The following DPH6 variants were observed in gnomAD, a reference collection of about 807,000 sequenced individuals.
DPH6 encodes the protein diphthamine biosynthesis 6.
DPH6 carries 33 observed loss-of-function variants against 38.2 expected under a neutral mutation model. The ratio of observed to expected loss-of-function variants is 0.86; its 90% confidence interval spans 0.65 to 1.15. The LOEUF (loss-of-function observed/expected upper bound fraction) is 1.15. Among genes scored for constraint, DPH6 ranks in the 50% most tolerant of loss-of-function variants. The pLI is 0.00. For missense variants in DPH6, 325 were observed against 320.0 expected, an observed-to-expected ratio of 1.02 and a Z score of -0.12; for synonymous variants, 108 against 103.0, an observed-to-expected ratio of 1.05 and a Z score of -0.30.
rs938927270 is a variant in DPH6, at chr15:35,339,035, G to A, written n.208-7958C>T. Among the ~76,000 whole-genome samples the A allele has an allele frequency of 6.6e-5, 10 of 152,060 alleles. 1 individual carries two copies. The highest frequency in any genetic ancestry group is 2.4e-4 in the African/African-American group (10 of 41,402). On this transcript the variant is annotated intron_variant and non_coding_transcript_variant, in intron 3 of 3. Transcript: ENST00000558973. ...CATCACACACTGGGGCCTGTTGTGG[G>A]GTGGGGGTAGCGGGTGGGGGATAGC...
intron 3 of DPH6, among the ~76,000 whole-genome samples, chr15:35,514,407 T>C (rs538293719): frequency 1.3e-5 from 2 of 152,238 alleles, no homozygotes; most frequent in South Asian, 4.1e-4. Context: ...TACGGAATGT[T>C]ACCTAATCTT....
In DPH6 at chr15:35,509,868, A is replaced by G. The variant is rs555765183; in HGVS notation, c.312+28406T>C. The stretch of plus-strand genomic sequence containing the variant: ...GGAACCAGCCACATTAGGTAATTTA[A>G]TCATTTTTCCTCAACAATGTTGTAA... On this transcript the variant is annotated intron_variant, in intron 3 of 8. Coordinates refer to ENST00000256538, the MANE Select transcript of DPH6 (RefSeq NM_080650.4). 2.6e-5 allele frequency among the ~76,000 whole-genome samples: 4 copies of G among 152,120 alleles called. No individual in the cohort carries two copies. In the South Asian group the frequency reaches 8.3e-4, roughly 32 times the overall value.
At chr15:35,253,027 G>A (rs1284384097) in intron 3 of DPH6, among the ~76,000 whole-genome samples, 1 of 152,202 alleles carries the variant, frequency 6.6e-6, no homozygotes, top group Non-Finnish European at 1.5e-5. Flanking sequence ...AACTATCTCT[G>A]ACGTCTCACT....
chr15:35,247,512 G>A (rs1057441491), intron 3 of DPH6, among the ~76,000 whole-genome samples: 4 of 152,186 alleles, frequency 2.6e-5, no homozygotes, highest in African/African-American at 9.7e-5. Flanking sequence ...CAAGTCACAA[G>A]ATAAATCTAG....
At chr15:35,337,530 C>G (rs558554239) in intron 3 of DPH6, among the ~76,000 whole-genome samples, 61 of 151,878 alleles carry the variant, frequency 4.0e-4, no homozygotes, top group African/African-American at 1.4e-3. Flanking sequence ...TGAAATAAAA[C>G]AGGATACAAA....
At chr15:35,271,327 AG>A (rs1365946399) in intron 3 of DPH6, among the ~76,000 whole-genome samples, 1 of 152,212 alleles carries the variant, frequency 6.6e-6, no homozygotes, top group African/African-American at 2.4e-5. Flanking sequence ...CCAATTGGGT[AG>A]CTTTCATTTC....
chr15:35,309,656 T>C lies in DPH6; in HGVS notation n.200+63865A>G, dbSNP rs2052123642. ...TTAGATGAACCAATTTTCCTCAAAG[T>C]TTGCCAATCATTTCTTTGATGAAAT... On this transcript the variant is annotated intron_variant and non_coding_transcript_variant, in intron 3 of 3. Coordinates refer to the DPH6 transcript ENST00000560386. Among the ~76,000 whole-genome samples the C allele has an allele frequency of 2.0e-5, 3 of 152,208 alleles. No homozygotes were observed. The South Asian group carries it at 6.2e-4, about 31-fold the overall frequency.
chr15:35,170,102 G>C, the DPH6 span, among the ~76,000 whole-genome samples: 46 of 152,294 alleles, frequency 3.0e-4, no homozygotes, highest in East Asian at 7.5e-3. Context: ...AATTGGACTT[G>C]ATTGTTCTGA....
At chr15:35,348,498 C>T (rs2052481343) in intron 3 of DPH6, among the ~76,000 whole-genome samples, 1 of 152,014 alleles carries the variant, frequency 6.6e-6, no homozygotes, top group Non-Finnish European at 1.5e-5. Flanking sequence ...TTACATGGGT[C>T]TATAGGTCTA....
rs150071139 is a variant in DPH6, at chr15:35,235,080, G to T, written n.201-14498C>A. On this transcript the variant is annotated intron_variant and non_coding_transcript_variant, in intron 3 of 3. Coordinates refer to the DPH6 transcript ENST00000560386. ...CTGGTATCTGGGAAACAACCTTTAG[G>T]AGATGTTGTCAGTGCTCTGTCCAGA... 3.5e-3 allele frequency among the ~76,000 whole-genome samples: 527 copies of T among 152,274 alleles called. 3 individuals are homozygous for T. The highest frequency in any genetic ancestry group is 0.012 in the African/African-American group (504 of 41,544).
intron 3 of DPH6, among the ~76,000 whole-genome samples, chr15:35,474,907 C>T (rs2054246047): frequency 6.6e-6 from 1 of 151,232 alleles, no homozygotes; most frequent in African/African-American, 2.4e-5. Context: ...TTTTAAAAGT[C>T]ATTAATTAAA....
chr15:35,230,477 G>A (rs1881681638), intron 3 of DPH6, among the ~76,000 whole-genome samples: 1 of 152,142 alleles, frequency 6.6e-6, no homozygotes, highest in Non-Finnish European at 1.5e-5. Flanking sequence ...GCGAAGTCCT[G>A]GAGTCCTGGG....
chr15:35,185,724 C>CTTTTTTT, the DPH6 span, among the ~76,000 whole-genome samples: 15 of 83,014 alleles, frequency 1.8e-4, no homozygotes, highest in East Asian at 2.7e-4. Context: ...CCAATCCACT[C>CTTTTTTT]TTTTTTTTTT....
chr15:35,422,844 A>G (rs1023080969), intron 5 of DPH6, among the ~76,000 whole-genome samples: 1 of 151,888 alleles, frequency 6.6e-6, no homozygotes, highest in African/African-American at 2.4e-5. Context: ...TTTATTTTAC[A>G]TAGTATAAGG....
intron 3 of DPH6, among the ~76,000 whole-genome samples, chr15:35,318,321 CA>C (rs2052210939): frequency 6.6e-6 from 1 of 152,062 alleles, no homozygotes; most frequent in Admixed American, 6.5e-5. Context: ...TTTGATTTCA[CA>C]TATCTTCAAA....
Position 35,454,933 on chromosome 15 carries a change from A to G in DPH6, c.313-113T>C. On this transcript the variant is annotated intron_variant, in intron 3 of 8. Transcript: ENST00000256538. ...CTCATCTAGAAAACTACCTCAAACC[A>G]GAGTAATTTACTGAAAATATAATCG... 4.4e-6 allele frequency: 3 copies of G among 678,740 alleles called. No individual in the cohort carries two copies. The Middle Eastern group carries it at 8.9e-4, about 201-fold the overall frequency. The allele number at this position is 678,740 out of a possible 1,614,324, so 42.0% of individuals were successfully genotyped here.
At chr15:35,175,965 C>T in the DPH6 span, among the ~76,000 whole-genome samples, 17 of 152,336 alleles carry the variant, frequency 1.1e-4, no homozygotes, top group African/African-American at 4.1e-4. Flanking sequence ...TGGAGAAAAA[C>T]TTTCAGACAT....
intron 5 of DPH6, among the ~76,000 whole-genome samples, chr15:35,420,993 C>G (rs77829398): frequency 0.021 from 3,214 of 152,158 alleles, 104 homozygotes; most frequent in African/African-American, 0.074. Context: ...TTATTAACAA[C>G]AGTTAAATAC....
intron 3 of DPH6, among the ~76,000 whole-genome samples, chr15:35,338,067 C>T (rs554036065): frequency 9.9e-5 from 15 of 152,178 alleles, no homozygotes; most frequent in Admixed American, 8.5e-4. Flanking sequence ...AGACCTAAAA[C>T]CATAAAAACC....
Sources: gnomAD v4.1 joint callset for allele counts (sites outside exome capture counted in the v4.1 genomes callset) on GRCh38, gnomAD v4.1.1 for gene constraint, MANE v1.5 for transcripts, NCBI Gene and HGNC (gene_info 2026-07-23, HGNC 2026-07-21) for gene names.